ADGRA2: variants seen among roughly 807,000 people sequenced by gnomAD.
ADGRA2 encodes G-protein coupled receptor 124.
A neutral mutation model predicts 98.7 loss-of-function variants in ADGRA2; 61 were observed. The observed-to-expected ratio is 0.62, with a 90% CI of 0.50 to 0.76. The LOEUF (loss-of-function observed/expected upper bound fraction) is 0.76. ADGRA2 is among the 30% of genes least tolerant of loss of function. The pLI is 0.00. For missense variants in ADGRA2, 1,712 were observed against 1,860.0 expected (o/e 0.92, Z 1.46); for synonymous variants, 858 against 831.5 (o/e 1.03, Z -0.55).
In ADGRA2 at chr8:37,838,988, C is replaced by A; in HGVS notation, c.2292C>A (p.Gly764=). 1 of 1,575,390 alleles carries A rather than the reference C, an allele frequency of 6.3e-7. No individual in the cohort carries two copies. ...ELSAFPREVG[G]AGAGLHPVVY... is the part of the protein sequence containing the mutation. ...GCGCCTTTCCCAGGGAGGTGGGGGG[C>A]GCCGGGGCAGGGCTGCACCCCGTGG... Residue 764 remains glycine (G), a synonymous_variant, in exon 15 of 19, where the codon GGC becomes GGA. Coordinates refer to ENST00000412232, the MANE Select transcript of ADGRA2 (RefSeq NM_032777.10).
chr8:37,804,133 A>ACACACACG (rs1367168713), intron 1 of ADGRA2, among the ~76,000 whole-genome samples: 4 of 151,146 alleles, frequency 2.6e-5, no homozygotes, highest in Non-Finnish European at 5.9e-5. Flanking sequence ...ACACACACAC[A>ACACACACG]CACACACACA....
At chr8:37,809,281 G>A (rs1382091969) in intron 1 of ADGRA2, among the ~76,000 whole-genome samples, 2 of 149,526 alleles carry the variant, frequency 1.3e-5, no homozygotes, top group Non-Finnish European at 3.0e-5. Context: ...GGGCAATAGA[G>A]CGAAACTTGT....
intron 13 of ADGRA2, 94 bp from the exon 14 acceptor site, chr8:37,837,637 A>G: frequency 9.5e-7 from 1 of 1,051,676 alleles, no homozygotes; most frequent in Non-Finnish European, 1.4e-6. Context: ...TGCCTAGTAC[A>G]CACCCTGTCA....
rs1404838590 is a variant in ADGRA2, at chr8:37,839,555, T to A, written c.2444T>A (p.Ile815Lys). Residue 815 changes from isoleucine (I) to lysine (K), a missense_variant, in exon 16 of 19, where the codon ATA becomes AAA. Ile to Lys is a moderately radical substitution (Grantham distance 102). Coordinates refer to ENST00000412232, the MANE Select transcript of ADGRA2 (RefSeq NM_032777.10). ...WHMLLNLCFH[I>K]AMTSAVFAGG... Reference sequence around the variant, plus strand: ...ATGCTGCTGAACTTGTGCTTCCACATAGCCATGACCTCTGCTGTCTTTGCG... The same window carrying A: ...ATGCTGCTGAACTTGTGCTTCCACAAAGCCATGACCTCTGCTGTCTTTGCG... The A allele has an allele frequency of 1.2e-6, 2 of 1,614,184 alleles. No individual in the cohort carries two copies. Among genetic ancestry groups the A allele is most frequent in the Non-Finnish European group, 1.7e-6 (2 of 1,180,032 alleles).
intron 1 of ADGRA2, among the ~76,000 whole-genome samples, chr8:37,805,848 G>A (rs907956138): frequency 6.6e-6 from 1 of 152,018 alleles, no homozygotes; most frequent in Admixed American, 6.6e-5. Context: ...TAGCCTGGGC[G>A]ACAGAGTGAG....
intron 12 of ADGRA2, 61 bp downstream of exon 12, chr8:37,835,459 G>A (rs928754399): frequency 7.9e-6 from 12 of 1,528,320 alleles, no homozygotes; most frequent in African/African-American, 1.4e-5. Flanking sequence ...CAGGTGCCTG[G>A]TGGGGGCAGT....
At chr8:37,813,933 G>A (rs1402747439) in intron 1 of ADGRA2, among the ~76,000 whole-genome samples, 3 of 152,118 alleles carry the variant, frequency 2.0e-5, no homozygotes, top group Middle Eastern at 3.2e-3. Context: ...CCTGGAGGCC[G>A]CTCCCTCAAG....
chr8:37,797,162 T>A lies in ADGRA2; in HGVS notation c.-107T>A. ...CCGCCCAGGGCCCCCCTCCACGCCC[T>A]CGGGAGCCCCGGGCCCCCGCTGAGC... On this transcript the variant is annotated 5_prime_UTR_variant, in exon 1 of 19. Transcript: ENST00000412232. The surrounding 1 kb of genome is among the most constrained non-coding windows in gnomAD (Gnocchi z 5.3). The A allele has an allele frequency of 2.3e-6, 2 of 880,806 alleles. No homozygotes were observed. Among genetic ancestry groups the A allele is most frequent in the Admixed American group, 4.9e-5 (1 of 20,576 alleles). The allele number at this position is 880,806 out of a possible 1,614,324, so 54.6% of individuals were successfully genotyped here. A position where few individuals can be genotyped will look rare whatever the true frequency, so the allele number is the denominator to read the frequency against.
At chr8:37,824,374 T>C (rs913414782) in intron 2 of ADGRA2, among the ~76,000 whole-genome samples, 4 of 152,040 alleles carry the variant, frequency 2.6e-5, no homozygotes, top group African/African-American at 9.7e-5. Context: ...GCTATTGAGT[T>C]GTAAGAGTTC....
At chr8:37,828,481 CTTTTT>C (rs35779657) in intron 2 of ADGRA2, among the ~76,000 whole-genome samples, 1 of 82,984 alleles carries the variant, frequency 1.2e-5, no homozygotes. Flanking sequence ...GGGGGTGGTT[CTTTTT>C]TTTTTTTTTT....
At chr8:37,800,798 C>T (rs1431487868) in intron 1 of ADGRA2, among the ~76,000 whole-genome samples, 1 of 152,208 alleles carries the variant, frequency 6.6e-6, no homozygotes, top group Non-Finnish European at 1.5e-5. Flanking sequence ...CCAAACTCCT[C>T]CTTCGTACTT....
rs766008035 is a variant in ADGRA2 at position 37,840,160 on chromosome 8, C to T, written c.2551C>T (p.Leu851Phe). 1.5e-5 allele frequency: 24 copies of T among 1,610,282 alleles called. No homozygotes were observed. The highest frequency in any genetic ancestry group is 7.7e-5 in the South Asian group (7 of 91,064). ...TLHYSSLSTL[L>F]WMGVKARVLH... ...GCACTACTCCTCCCTATCCACGCTGCTCTGGATGGGCGTGAAGGCGCGAGT... is the reference window on the plus strand; with the variant it reads ...GCACTACTCCTCCCTATCCACGCTGTTCTGGATGGGCGTGAAGGCGCGAGT... Residue 851 changes from leucine to phenylalanine, a missense_variant, in exon 17 of 19, where the codon CTC becomes TTC. Transcript: ENST00000412232.
chr8:37,839,663 G>A (rs367748830), intron 16 of ADGRA2, 41 bp downstream of exon 16: 33 of 1,609,048 alleles, frequency 2.1e-5, no homozygotes, highest in Non-Finnish European at 2.5e-5. Flanking sequence ...GCTCCGAGAT[G>A]AGTGCTGGCA....
rs768207181 is a variant in ADGRA2 at position 37,814,998 on chromosome 8, G to C, written c.338+31G>C. The C allele has an allele frequency of 6.6e-5, 100 of 1,505,064 alleles. No homozygotes were observed. Among genetic ancestry groups the C allele is most frequent in the Non-Finnish European group, 8.8e-5 (95 of 1,080,932 alleles). The allele number at this position is 1,505,064 out of a possible 1,614,324, so 93.2% of individuals were successfully genotyped here. ...TGCTGGGGAAGGTGAGGTGGAGGAG[G>C]GGGGTGGCCGTGATGGCAAGAGGTC... On this transcript the variant is annotated intron_variant, in intron 2 of 18. Transcript: ENST00000412232. The surrounding 1 kb of genome is among the most constrained non-coding windows in gnomAD (Gnocchi z 4.3).
chr8:37,832,733 C>T (rs992299536), intron 8 of ADGRA2, among the ~76,000 whole-genome samples: 5 of 152,110 alleles, frequency 3.3e-5, no homozygotes, highest in African/African-American at 9.7e-5. Flanking sequence ...ATACTGAGGC[C>T]GAGAAAGGAT....
chr8:37,831,478 G>A lies in ADGRA2; in HGVS notation c.988G>A (p.Val330Met), dbSNP rs372154008. ...GGCCTCAGGCGAGTGGGAGTGCACCGTGTCCATGGCCCAAGGCAACGCCAG... is the reference window on the plus strand; with the variant it reads ...GGCCTCAGGCGAGTGGGAGTGCACCATGTCCATGGCCCAAGGCAACGCCAG... The part of the protein sequence containing the change: ...VWASGEWECT[V>M]SMAQGNASKK... Residue 330 changes from valine to methionine, a missense_variant, in exon 8 of 19, where the codon GTG (valine) becomes ATG (methionine). Transcript: ENST00000412232. 16 of 1,613,398 alleles carry A rather than the reference G, an allele frequency of 9.9e-6. No individual in the cohort carries two copies. Among genetic ancestry groups the A allele is most frequent in the Non-Finnish European group, 1.1e-5 (13 of 1,180,006 alleles).
Position 37,814,761 on chromosome 8 carries a change from G to C in ADGRA2, c.267-135G>C. On this transcript the variant is annotated intron_variant, in intron 1 of 18. Coordinates refer to ENST00000412232, the MANE Select transcript of ADGRA2 (RefSeq NM_032777.10). The surrounding 1 kb of genome is among the most constrained non-coding windows in gnomAD (Gnocchi z 4.3). ...TCTCCCTGTAATCTCCGGAAGTAGA[G>C]GGTGGGGGCTGCTGCCTCGCACAAC... The C allele has an allele frequency of 1.5e-6, 1 of 679,834 alleles. No homozygotes were observed. The highest frequency in any genetic ancestry group is 2.7e-6 in the Non-Finnish European group (1 of 370,682). The allele number at this position is 679,834 out of a possible 1,614,324, so 42.1% of individuals were successfully genotyped here.
At chr8:37,815,998 C>T (rs1804969512) in intron 2 of ADGRA2, among the ~76,000 whole-genome samples, 1 of 152,188 alleles carries the variant, frequency 6.6e-6, no homozygotes, top group Admixed American at 6.5e-5. Context: ...GCCCTTGGCC[C>T]CTCTAGCGCC....
intron 1 of ADGRA2, among the ~76,000 whole-genome samples, chr8:37,799,514 G>A (rs1453161353): frequency 1.3e-5 from 2 of 152,206 alleles, no homozygotes; most frequent in East Asian, 1.9e-4. Context: ...ACATATCAAA[G>A]GCAGAAGGAA....
Sources: allele counts gnomAD v4.1 joint callset (sites outside exome capture counted in the v4.1 genomes callset), GRCh38; gene constraint gnomAD v4.1.1; non-coding constraint Gnocchi (gnomAD v3.1); transcripts MANE v1.5; gene names NCBI Gene and HGNC (gene_info 2026-07-23, HGNC 2026-07-21).